The following PTPRD variants were observed in gnomAD, a reference collection of about 807,000 sequenced individuals.
PTPRD encodes the protein protein tyrosine phosphatase receptor type D.
In PTPRD, 34 loss-of-function variants were observed where a neutral mutation model predicts 214.5. The ratio of observed to expected loss-of-function variants is 0.16; its 90% CI spans 0.12 to 0.21. The LOEUF (loss-of-function observed/expected upper bound fraction) is 0.21. Ranked by LOEUF, PTPRD falls within the 10% of genes least tolerant of loss-of-function variation. The pLI is 1.00. For missense variants in PTPRD, 2,545 were observed against 2,398.7 expected, an observed-to-expected ratio of 1.06 and a Z score of -1.27; for synonymous variants, 1,128 against 845.7, an observed-to-expected ratio of 1.33 and a Z score of -5.79.
intron 7 of PTPRD, among the ~76,000 whole-genome samples, chr9:9,600,959 C>A (rs1196625879): frequency 6.6e-6 from 1 of 151,902 alleles, no homozygotes; most frequent in Non-Finnish European, 1.5e-5. Context: ...TCTAAAACCA[C>A]CTGGCCATTG....
chr9:9,048,964 G>T (rs912626194), intron 10 of PTPRD, among the ~76,000 whole-genome samples: 2 of 151,950 alleles, frequency 1.3e-5, no homozygotes, highest in Non-Finnish European at 2.9e-5. Flanking sequence ...AAAATTAAAA[G>T]TTAACAAAAT....
intron 12 of PTPRD, among the ~76,000 whole-genome samples, chr9:8,669,063 C>G (rs1304515406): frequency 6.6e-6 from 1 of 152,080 alleles, no homozygotes; most frequent in Non-Finnish European, 1.5e-5. Flanking sequence ...TCTCTCTCCT[C>G]TCTATGGGAA....
intron 9 of PTPRD, among the ~76,000 whole-genome samples, chr9:9,248,709 T>C (rs2099974118): frequency 6.6e-6 from 1 of 152,112 alleles, no homozygotes; most frequent in South Asian, 2.1e-4. Context: ...TCTTAGCATG[T>C]ACACTGAGAC....
chr9:10,188,659 T>C (rs2099348769), intron 3 of PTPRD, among the ~76,000 whole-genome samples: 1 of 152,052 alleles, frequency 6.6e-6, no homozygotes, highest in East Asian at 1.9e-4. Flanking sequence ...CAATAGGCAC[T>C]AGTAGAAGTC....
intron 9 of PTPRD, among the ~76,000 whole-genome samples, chr9:9,186,805 A>C (rs1232074305): frequency 6.6e-6 from 1 of 152,032 alleles, no homozygotes; most frequent in African/African-American, 2.4e-5. Context: ...ATAGCCTTTC[A>C]TTTAGTGTGT....
intron 10 of PTPRD, among the ~76,000 whole-genome samples, chr9:9,135,345 A>G (rs895767333): frequency 1.3e-5 from 2 of 152,206 alleles, no homozygotes; most frequent in Non-Finnish European, 2.9e-5. Context: ...TTTGGTTCAG[A>G]GAAACATTTA....
chr9:9,630,700 CA>C (rs1355018137), intron 7 of PTPRD, among the ~76,000 whole-genome samples: 1 of 151,974 alleles, frequency 6.6e-6, no homozygotes, highest in Non-Finnish European at 1.5e-5. Flanking sequence ...TCTTATATTC[CA>C]AATAGTGGAC....
chr9:10,584,663 T>C lies in PTPRD; in HGVS notation c.-600+27735A>G, dbSNP rs539425828. Among the ~76,000 whole-genome samples, 47 of 152,316 alleles carry C rather than the reference T, an allele frequency of 3.1e-4. 1 individual carries two copies. The South Asian group carries it at 9.5e-3, about 31-fold the overall frequency. On this transcript the variant is annotated intron_variant, in intron 2 of 45. Transcript: ENST00000381196. ...TTCCTGTTTAAACTACCTAGATTTGTGTCACTCAATTGAATAATGACATAT... is the reference window on the plus strand; with the variant it reads ...TTCCTGTTTAAACTACCTAGATTTGCGTCACTCAATTGAATAATGACATAT...
chr9:8,756,244 C>T (rs938632082), intron 11 of PTPRD, among the ~76,000 whole-genome samples: 2 of 152,106 alleles, frequency 1.3e-5, no homozygotes, highest in African/African-American at 4.8e-5. Context: ...CCTGGTTGCT[C>T]TGTTTTATAG....
chr9:9,437,960 G>T (rs1569568328), intron 8 of PTPRD, among the ~76,000 whole-genome samples: 4 of 152,162 alleles, frequency 2.6e-5, no homozygotes, highest in Admixed American at 6.5e-5. Flanking sequence ...TGAAATTGCG[G>T]TGTCTGCAGA....
At chr9:10,336,556 C>T (rs1240764705) in intron 3 of PTPRD, among the ~76,000 whole-genome samples, 1 of 151,418 alleles carries the variant, frequency 6.6e-6, no homozygotes, top group East Asian at 2.0e-4. Flanking sequence ...ACCAATAGAT[C>T]CAGAAAAAGG....
At chr9:9,567,943 A>C (rs944758567) in intron 8 of PTPRD, among the ~76,000 whole-genome samples, 2 of 151,872 alleles carry the variant, frequency 1.3e-5, no homozygotes, top group African/African-American at 4.8e-5. Flanking sequence ...AAGAAGGCAA[A>C]ATCCCCTTTT....
intron 11 of PTPRD, among the ~76,000 whole-genome samples, chr9:8,995,791 T>G (rs2099394358): frequency 6.6e-6 from 1 of 151,614 alleles, no homozygotes; most frequent in South Asian, 2.1e-4. Flanking sequence ...CAATACTAGT[T>G]TATATTTTAC....
intron 35 of PTPRD, among the ~76,000 whole-genome samples, chr9:8,425,126 A>G (rs2094578106): frequency 6.6e-6 from 1 of 152,220 alleles, no homozygotes; most frequent in South Asian, 2.1e-4. Context: ...CTACCATTTT[A>G]TAATTTTACA....
intron 3 of PTPRD, among the ~76,000 whole-genome samples, chr9:10,240,992 A>C (rs1167556301): frequency 6.7e-6 from 1 of 149,694 alleles, no homozygotes; most frequent in Non-Finnish European, 1.5e-5. Flanking sequence ...TTACAATTTG[A>C]AAGAAAGATA....
intron 12 of PTPRD, among the ~76,000 whole-genome samples, chr9:8,656,292 G>A (rs1296078589): frequency 6.6e-6 from 1 of 152,062 alleles, no homozygotes; most frequent in Non-Finnish European, 1.5e-5. Context: ...TATTTGTTAA[G>A]ACTATTCCAT....
intron 2 of PTPRD, among the ~76,000 whole-genome samples, chr9:10,400,105 A>C (rs964764046): frequency 6.6e-6 from 1 of 151,888 alleles, no homozygotes; most frequent in Admixed American, 6.6e-5. Context: ...ATGTGTTCAC[A>C]GAAGCCAGAG....
chr9:9,762,282 G>T (rs576643832), intron 6 of PTPRD, among the ~76,000 whole-genome samples: 1 of 152,300 alleles, frequency 6.6e-6, no homozygotes, highest in South Asian at 2.1e-4. Flanking sequence ...TCCCATCTTT[G>T]TCCCTTCAGT....
chr9:9,356,648 T>C (rs553964979), intron 9 of PTPRD, among the ~76,000 whole-genome samples: 1 of 151,604 alleles, frequency 6.6e-6, no homozygotes, highest in South Asian at 2.1e-4. Flanking sequence ...AGGTTAATTA[T>C]GTTTATCAGA....
Sources: gnomAD v4.1 joint callset for allele counts (sites outside exome capture counted in the v4.1 genomes callset) on GRCh38, gnomAD v4.1.1 for gene constraint, MANE v1.5 for transcripts, NCBI Gene and HGNC (gene_info 2026-07-23, HGNC 2026-07-21) for gene names.